GUCY1A1: variants seen among roughly 807,000 people sequenced by gnomAD.
The protein encoded by GUCY1A1 is guanylate cyclase soluble subunit alpha-1.
Under a neutral mutation model 64.5 loss-of-function variants are expected in GUCY1A1, and 48 were observed. The observed-to-expected ratio is 0.74, with a 90% CI of 0.59 to 0.95. The LOEUF is 0.95. GUCY1A1 is among the 40% of genes least tolerant of loss of function. The pLI is 0.00. For synonymous variants in GUCY1A1, 308 were observed against 303.4 expected (o/e 1.02, Z -0.16); for missense variants, 804 against 825.3 (o/e 0.97, Z 0.32).
intron 2 of GUCY1A1, among the ~76,000 whole-genome samples, chr4:155,680,922 T>TACAC (rs10591570): frequency 0.18 from 26,692 of 148,270 alleles, 2,607 homozygotes; most frequent in Non-Finnish European, 0.22. Flanking sequence ...GTCGATTGGA[T>TACAC]ACACACACAC....
At chr4:155,708,135 C>T (rs1732049008) in intron 4 of GUCY1A1, 101 bp from the exon 5 acceptor site, 1 of 657,018 alleles carries the variant, frequency 1.5e-6, no homozygotes, top group African/African-American at 1.8e-5. Flanking sequence ...CTGTGCCTGG[C>T]CTAATTTAAA....
At chr4:155,675,650 A>C (rs1277360250) in intron 2 of GUCY1A1, among the ~76,000 whole-genome samples, 1 of 151,596 alleles carries the variant, frequency 6.6e-6, no homozygotes, top group Non-Finnish European at 1.5e-5. Context: ...TTTCTGTGTC[A>C]CTGGCTCAGA....
chr4:155,671,443 T>C (rs1734131455), intron 2 of GUCY1A1, among the ~76,000 whole-genome samples: 1 of 152,214 alleles, frequency 6.6e-6, no homozygotes, highest in South Asian at 2.1e-4. Flanking sequence ...CAATGTCAGC[T>C]TGGAGGATAC....
intron 2 of GUCY1A1, among the ~76,000 whole-genome samples, chr4:155,669,723 A>AT (rs1733865357): frequency 6.6e-6 from 1 of 152,164 alleles, no homozygotes; most frequent in Non-Finnish European, 1.5e-5. Context: ...TATATTTTTC[A>AT]AATGAAATTG....
At chr4:155,684,834 G>T (rs1369671888) in intron 2 of GUCY1A1, among the ~76,000 whole-genome samples, 1 of 152,062 alleles carries the variant, frequency 6.6e-6, no homozygotes, top group Non-Finnish European at 1.5e-5. Flanking sequence ...AGTTCACTGG[G>T]ACCCTGGAAG....
intron 2 of GUCY1A1, among the ~76,000 whole-genome samples, chr4:155,680,527 C>A (rs2126597738): frequency 6.6e-6 from 1 of 151,774 alleles, no homozygotes; most frequent in East Asian, 1.9e-4. Flanking sequence ...GGGGTTGGGG[C>A]ACTGACACTC....
At chr4:155,677,661 G>C (rs1021310728) in intron 2 of GUCY1A1, among the ~76,000 whole-genome samples, 2 of 152,026 alleles carry the variant, frequency 1.3e-5, no homozygotes, top group Non-Finnish European at 2.9e-5. Flanking sequence ...GACCAGCCTG[G>C]TCAAACATGG....
rs115225736 is a variant in GUCY1A1 at position 155,732,875 on chromosome 4, G to T, written c.*2644G>T. On this transcript the variant is annotated 3_prime_UTR_variant, in exon 10 of 10. Transcript: ENST00000506455. ...TTCTTGTCCTGTTGTTTTTTGTGTC[G>T]AGTACACTATATAAATTATCTCCTT... Among the ~76,000 whole-genome samples, 2,429 of 151,722 alleles carry T rather than the reference G, an allele frequency of 0.016. 65 individuals carry two copies. Among genetic ancestry groups the T allele is most frequent in the African/African-American group, 0.056 (2,306 of 41,406 alleles).
At chr4:155,692,985 G>T (rs770574486) in intron 2 of GUCY1A1, among the ~76,000 whole-genome samples, 8 of 152,136 alleles carry the variant, frequency 5.3e-5, no homozygotes, top group Non-Finnish European at 1.0e-4. Flanking sequence ...CTTGAGCCCA[G>T]GAGGCGGAGG....
intron 6 of GUCY1A1, chr4:155,711,494 A>G (rs1732568233): frequency 6.9e-6 from 2 of 289,122 alleles, no homozygotes; most frequent in Non-Finnish European, 1.3e-5. Context: ...ATCTTTATGG[A>G]ATGTTTTATA....
At chr4:155,710,509 T>C (rs1313957254) in intron 5 of GUCY1A1, 33 bp from the exon 6 acceptor site, 1 of 1,257,234 alleles carries the variant, frequency 8.0e-7, no homozygotes, top group Admixed American at 2.1e-5. Flanking sequence ...GTGGCATATT[T>C]GATATGGCAG....
chr4:155,683,919 G>C (rs1736176424), intron 2 of GUCY1A1, among the ~76,000 whole-genome samples: 1 of 152,148 alleles, frequency 6.6e-6, no homozygotes, highest in Non-Finnish European at 1.5e-5. Flanking sequence ...ATTTTCAGTA[G>C]AGGAGGTCAT....
At chr4:155,724,214 T>C (rs929796778) in intron 9 of GUCY1A1, among the ~76,000 whole-genome samples, 1 of 152,136 alleles carries the variant, frequency 6.6e-6, no homozygotes, top group African/African-American at 2.4e-5. Context: ...ACCTTCTCAA[T>C]AACTTTTCTG....
chr4:155,705,744 T>C (rs1358989820), intron 4 of GUCY1A1, among the ~76,000 whole-genome samples: 1 of 152,170 alleles, frequency 6.6e-6, no homozygotes, highest in African/African-American at 2.4e-5. Context: ...ATCTGCTCTG[T>C]GGATCATATG....
At chr4:155,672,024 T>G (rs541498100) in intron 2 of GUCY1A1, among the ~76,000 whole-genome samples, 1 of 152,192 alleles carries the variant, frequency 6.6e-6, no homozygotes, top group East Asian at 1.9e-4. Flanking sequence ...CTCCGTTTTT[T>G]TTTTGCACTC....
In GUCY1A1 at chr4:155,717,072, G is replaced by A. The variant is rs112466423; in HGVS notation, c.1573-87G>A. 1.9e-3 allele frequency: 1,841 copies of A among 952,654 alleles called. 18 individuals are homozygous for A. The African/African-American group carries it at 0.02, about 11-fold the overall frequency. 59.0% of individuals were successfully genotyped at this position (952,654 alleles called of 1,614,324 possible). ...AGAAGGCCTGAGCAATGAGAATTCT[G>A]CTATATGACTTAATTTCTTCTATCC... On this transcript the variant is annotated intron_variant, in intron 7 of 9. Coordinates refer to ENST00000506455, the MANE Select transcript of GUCY1A1 (RefSeq NM_001130682.3).
At chr4:155,716,641 T>C (rs780725616) in intron 7 of GUCY1A1, among the ~76,000 whole-genome samples, 2 of 152,142 alleles carry the variant, frequency 1.3e-5, no homozygotes, top group Non-Finnish European at 2.9e-5. Context: ...CCAAGGGTCC[T>C]TTAGAAGAAC....
intron 3 of GUCY1A1, among the ~76,000 whole-genome samples, chr4:155,702,576 G>C (rs552312890): frequency 3.3e-5 from 5 of 152,252 alleles, no homozygotes; most frequent in African/African-American, 1.2e-4. Flanking sequence ...TGCCCTCTGG[G>C]TGCGTCTTCC....
chr4:155,691,988 C>G (rs1280520983), intron 2 of GUCY1A1, among the ~76,000 whole-genome samples: 1 of 152,114 alleles, frequency 6.6e-6, no homozygotes, highest in East Asian at 1.9e-4. Flanking sequence ...TTGTTCCCCT[C>G]TATGTGTCCA....
Sources: gnomAD v4.1 joint callset for allele counts (sites outside exome capture counted in the v4.1 genomes callset) on GRCh38, gnomAD v4.1.1 for gene constraint, MANE v1.5 for transcripts, NCBI Gene and HGNC (gene_info 2026-07-23, HGNC 2026-07-21) for gene names.